TSPAN5: variants seen among roughly 807,000 people sequenced by gnomAD.
TSPAN5 encodes tetraspanin-5.
In TSPAN5, 10 loss-of-function variants were observed where a neutral mutation model predicts 37.1. The ratio of observed to expected loss-of-function variants is 0.27; its 90% CI spans 0.17 to 0.46. The LOEUF is 0.46. Among genes scored for constraint, TSPAN5 ranks in the 20% least tolerant of loss-of-function variants. The pLI is 1.00. For missense variants in TSPAN5, 195 were observed against 326.6 expected (o/e 0.60, Z 3.11); for synonymous variants, 110 against 118.9 (o/e 0.93, Z 0.48).
chr4:98,555,969 A>G (rs1338134378), intron 1 of TSPAN5, among the ~76,000 whole-genome samples: 1 of 145,572 alleles, frequency 6.9e-6, no homozygotes, highest in Non-Finnish European at 1.5e-5. Context: ...CACTCCACAC[A>G]CGCGCGCGCA....
At position 98,570,457 on chromosome 4, in the gene TSPAN5, A is replaced by C. The variant is rs140142748; in HGVS notation, c.82-62729T>G. On this transcript the variant is annotated intron_variant, in intron 1 of 7. Coordinates refer to ENST00000305798, the MANE Select transcript of TSPAN5 (RefSeq NM_005723.4). ...GCACAAAGTTTCCAAACTGCAATTC[A>C]TATTAACAATTACTTTCCATTGACT... 2.3e-3 allele frequency among the ~76,000 whole-genome samples: 347 copies of C among 152,372 alleles called. 2 individuals are homozygous for C. Among genetic ancestry groups the C allele is most frequent in the Middle Eastern group, 0.01 (3 of 294 alleles).
At chr4:98,543,270 C>T (rs1026969002) in intron 1 of TSPAN5, among the ~76,000 whole-genome samples, 3 of 152,098 alleles carry the variant, frequency 2.0e-5, no homozygotes, top group Admixed American at 6.6e-5. Context: ...CCTGTGTTCT[C>T]GCATCGTGGA....
At chr4:98,533,561 T>TTTTTTTTTTTTTTTTTTTTTTTTTTTTG in intron 1 of TSPAN5, among the ~76,000 whole-genome samples, 1 of 126,108 alleles carries the variant, frequency 7.9e-6, no homozygotes, top group Non-Finnish European at 1.6e-5. Flanking sequence ...TTTTTTTTTT[T>TTTTTTTTTTTTTTTTTTTTTTTTTTTTG]TTTTCTTGAG....
intron 1 of TSPAN5, among the ~76,000 whole-genome samples, chr4:98,623,373 A>G (rs1756524975): frequency 1.3e-5 from 2 of 152,218 alleles, no homozygotes; most frequent in South Asian, 4.1e-4. Context: ...TTAAAGCAGG[A>G]GAATCATAAT....
At chr4:98,589,783 A>G (rs767015780) in intron 1 of TSPAN5, among the ~76,000 whole-genome samples, 14 of 152,196 alleles carry the variant, frequency 9.2e-5, no homozygotes, top group Non-Finnish European at 1.6e-4. Context: ...AACGCGTAAA[A>G]TGTTGGAGCA....
chr4:98,470,710 C>G lies in TSPAN5; in HGVS notation c.*1812G>C, dbSNP rs922463558. The G allele has an allele frequency of 3.3e-5, 5 of 152,220 alleles. No homozygotes were observed. Among genetic ancestry groups the G allele is most frequent in the African/African-American group, 1.2e-4 (5 of 41,452 alleles). 9.4% of individuals were successfully genotyped at this position (152,220 alleles called of 1,614,324 possible). On this transcript the variant is annotated 3_prime_UTR_variant, in exon 8 of 8. Coordinates refer to ENST00000305798, the MANE Select transcript of TSPAN5 (RefSeq NM_005723.4). ...TAAGATGTGAATACCTCTACCTATA[C>G]AGAGACAAAAACACACACATGCAGA... is the stretch of plus-strand genomic sequence containing the variant.
intron 1 of TSPAN5, among the ~76,000 whole-genome samples, chr4:98,598,550 C>T (rs1349592022): frequency 6.6e-6 from 1 of 152,092 alleles, no homozygotes; most frequent in African/African-American, 2.4e-5. Context: ...CTGCAACCTC[C>T]ACCTCCCGGG....
intron 1 of TSPAN5, among the ~76,000 whole-genome samples, chr4:98,549,292 G>GGTTTTTTTTTT (rs1560532920): frequency 6.8e-6 from 1 of 147,114 alleles, no homozygotes; most frequent in African/African-American, 2.6e-5. Context: ...TTGTTTGTTT[G>GGTTTTTTTTTT]TTTGTTTTTG....
At chr4:98,630,246 C>T (rs1405461743) in intron 1 of TSPAN5, among the ~76,000 whole-genome samples, 14 of 152,278 alleles carry the variant, frequency 9.2e-5, no homozygotes, top group Non-Finnish European at 8.8e-5. Flanking sequence ...GCAGAGGAGG[C>T]ACCAAACGAA....
intron 2 of TSPAN5, among the ~76,000 whole-genome samples, chr4:98,498,114 C>T (rs1358133600): frequency 1.3e-5 from 2 of 152,186 alleles, no homozygotes. Flanking sequence ...AAGAACTACA[C>T]TTCTCAGCAG....
At chr4:98,622,827 T>C (rs1348756511) in intron 1 of TSPAN5, among the ~76,000 whole-genome samples, 1 of 152,244 alleles carries the variant, frequency 6.6e-6, no homozygotes, top group African/African-American at 2.4e-5. Context: ...TCTGAACTTT[T>C]AGGAGCTCTG....
At chr4:98,643,652 C>G (rs1430449621) in intron 1 of TSPAN5, among the ~76,000 whole-genome samples, 1 of 152,128 alleles carries the variant, frequency 6.6e-6, no homozygotes, top group Non-Finnish European at 1.5e-5. Flanking sequence ...CTTCACTGGA[C>G]AGCAAAACTC....
intron 1 of TSPAN5, among the ~76,000 whole-genome samples, chr4:98,622,888 A>G (rs549031929): frequency 6.6e-6 from 1 of 152,316 alleles, no homozygotes; most frequent in Admixed American, 6.5e-5. Context: ...GGAGTGTGAT[A>G]AGCAGAATTT....
At chr4:98,651,217 T>A (rs1439745603) in intron 1 of TSPAN5, among the ~76,000 whole-genome samples, 3 of 152,160 alleles carry the variant, frequency 2.0e-5, no homozygotes, top group African/African-American at 7.2e-5. Flanking sequence ...CTACCAAAGA[T>A]GCACAGCCTG....
chr4:98,472,643 G>T (rs1752615103), intron 7 of TSPAN5, 56 bp from the exon 8 acceptor site: 3 of 1,441,010 alleles, frequency 2.1e-6, no homozygotes, highest in Admixed American at 3.5e-5. Context: ...TGTTTCCCTG[G>T]CCACTGTGTC....
chr4:98,502,305 G>A (rs1753371543), intron 2 of TSPAN5, among the ~76,000 whole-genome samples: 1 of 152,168 alleles, frequency 6.6e-6, no homozygotes, highest in Non-Finnish European at 1.5e-5. Context: ...CAGATGGCAT[G>A]TAAAGCCCCA....
intron 2 of TSPAN5, among the ~76,000 whole-genome samples, chr4:98,507,408 G>A: frequency 6.6e-6 from 1 of 152,268 alleles, no homozygotes; most frequent in East Asian, 1.9e-4. Flanking sequence ...TAGGAACATC[G>A]ATCTTTGGCT....
intron 1 of TSPAN5, among the ~76,000 whole-genome samples, chr4:98,625,980 A>C (rs1756590531): frequency 6.6e-6 from 1 of 152,240 alleles, no homozygotes; most frequent in Non-Finnish European, 1.5e-5. Flanking sequence ...TTCATAACTA[A>C]GTATCTCTAA....
intron 1 of TSPAN5, among the ~76,000 whole-genome samples, chr4:98,581,707 C>A (rs1201056841): frequency 6.6e-6 from 1 of 152,134 alleles, no homozygotes; most frequent in Admixed American, 6.5e-5. Flanking sequence ...AGGGTAATTT[C>A]TTCCCTTTGT....
Sources: allele counts gnomAD v4.1 joint callset (sites outside exome capture counted in the v4.1 genomes callset), GRCh38; gene constraint gnomAD v4.1.1; transcripts MANE v1.5; gene names NCBI Gene and HGNC (gene_info 2026-07-23, HGNC 2026-07-21).